Variants in DYM observed in about 807,000 individuals in gnomAD.
The protein encoded by DYM is dyggve-Melchior-Clausen syndrome protein.
DYM carries 78 observed loss-of-function variants against 93.1 expected under a neutral mutation model. That is an observed-to-expected ratio of 0.84 (90% CI 0.70 to 1.01). DYM has a LOEUF of 1.01. Ranked by LOEUF, DYM falls within the 50% of genes least tolerant of loss-of-function variation. The pLI is 0.00. For missense variants in DYM, 789 were observed against 845.0 expected (o/e 0.93, Z 0.82); for synonymous variants, 321 against 319.7 (o/e 1.00, Z -0.04).
intron 9 of DYM, 91 bp downstream of exon 9, chr18:49,286,343 A>C: frequency 7.2e-7 from 1 of 1,387,590 alleles, no homozygotes; most frequent in Non-Finnish European, 1.0e-6. Context: ...TACAATGGAC[A>C]CTCATCTCCA....
chr18:49,295,522 C>T (rs547187683), intron 8 of DYM, among the ~76,000 whole-genome samples: 1 of 152,250 alleles, frequency 6.6e-6, no homozygotes, highest in South Asian at 2.1e-4. Flanking sequence ...TGTTGGGAGC[C>T]AAACCATGTA....
chr18:49,326,409 T>C (rs910348843), intron 8 of DYM, among the ~76,000 whole-genome samples: 5 of 151,864 alleles, frequency 3.3e-5, no homozygotes, highest in Non-Finnish European at 7.4e-5. Flanking sequence ...AATATATTAA[T>C]ATATAATTCA....
chr18:49,199,235 G>A (rs575112623), intron 14 of DYM, among the ~76,000 whole-genome samples: 7 of 152,250 alleles, frequency 4.6e-5, no homozygotes, highest in African/African-American at 1.7e-4. Flanking sequence ...TTGTGGGGTG[G>A]GGGGAGAAAG....
chr18:49,198,558 G>A lies in DYM; in HGVS notation c.1625+10993C>T, dbSNP rs1450348140. Among the ~76,000 whole-genome samples, 3 of 152,274 alleles carry A rather than the reference G, an allele frequency of 2.0e-5. No individual in the cohort carries two copies. In the East Asian group the frequency reaches 5.8e-4, roughly 29 times the overall value. ...AAGAAAAAAACAACCCCATCAAAAA[G>A]TGGGTGAAGAACATGAACAGACACT... On this transcript the variant is annotated intron_variant, in intron 14 of 17. Coordinates refer to ENST00000675505, the MANE Select transcript of DYM (RefSeq NM_001353214.3).
intron 2 of DYM, among the ~76,000 whole-genome samples, chr18:49,408,687 A>G (rs1219646915): frequency 6.6e-6 from 1 of 152,212 alleles, no homozygotes; most frequent in East Asian, 1.9e-4. Context: ...TCCCTCTAAA[A>G]TGGCCTACAG....
intron 8 of DYM, among the ~76,000 whole-genome samples, chr18:49,313,961 GA>G (rs1257262298): frequency 3.3e-5 from 5 of 150,782 alleles, no homozygotes; most frequent in Middle Eastern, 3.4e-3. Context: ...AACATCACAT[GA>G]AAAAAACACA....
intron 15 of DYM, among the ~76,000 whole-genome samples, chr18:49,136,717 CTCT>C (rs1378862878): frequency 6.6e-6 from 1 of 152,102 alleles, no homozygotes; most frequent in Non-Finnish European, 1.5e-5. Flanking sequence ...GAAGGAAATC[CTCT>C]TCTTTTGAGG....
intron 3 of DYM, among the ~76,000 whole-genome samples, chr18:49,385,766 C>G (rs1226013100): frequency 6.6e-6 from 1 of 151,558 alleles, no homozygotes; most frequent in East Asian, 1.9e-4. Flanking sequence ...AAGCTAAACA[C>G]AAAAAGCCTA....
At chr18:49,449,805 G>T (rs2082373450) in intron 1 of DYM, among the ~76,000 whole-genome samples, 1 of 152,156 alleles carries the variant, frequency 6.6e-6, no homozygotes, top group East Asian at 1.9e-4. Context: ...TCTGTCAAAA[G>T]AAAGGGTACC....
intron 14 of DYM, among the ~76,000 whole-genome samples, chr18:49,178,797 T>G (rs2145425466): frequency 6.6e-6 from 1 of 152,232 alleles, no homozygotes; most frequent in South Asian, 2.1e-4. Context: ...ATCAGTAGTT[T>G]TAAGAATGCC....
chr18:49,453,794 G>A (rs2082736792), intron 1 of DYM, among the ~76,000 whole-genome samples: 1 of 152,132 alleles, frequency 6.6e-6, no homozygotes, highest in African/African-American at 2.4e-5. Context: ...TATTGGGTTT[G>A]GTAATATGTC....
intron 2 of DYM, among the ~76,000 whole-genome samples, chr18:49,419,968 G>C (rs376401776): frequency 6.6e-6 from 1 of 152,154 alleles, no homozygotes; most frequent in Admixed American, 6.5e-5. Flanking sequence ...GCAGTACTCA[G>C]TGATAATTCT....
In DYM at chr18:49,346,184, C is replaced by T. The variant is rs141618544; in HGVS notation, c.495-12331G>A. Among the ~76,000 whole-genome samples, 287 of 152,214 alleles carry T rather than the reference C, an allele frequency of 1.9e-3. 4 individuals carry two copies. The highest frequency in any genetic ancestry group is 8.7e-3 in the East Asian group (45 of 5,188). ...ACACAAAATCTTGTACATTGATGCT[C>T]AAAGCAGCATTACTCATAATGGCCA... On this transcript the variant is annotated intron_variant, in intron 6 of 17. Transcript: ENST00000675505.
chr18:49,203,374 C>A (rs1382434306), intron 14 of DYM, among the ~76,000 whole-genome samples: 2 of 130,966 alleles, frequency 1.5e-5, no homozygotes, highest in African/African-American at 3.0e-5. Flanking sequence ...TCATTGAGAA[C>A]GGGCCAGGAT....
chr18:49,440,994 AATATAT>A (rs1241904839), intron 1 of DYM, among the ~76,000 whole-genome samples: 29 of 2,278 alleles, frequency 0.013, no homozygotes, highest in South Asian at 0.021. Flanking sequence ...TATAATATAT[AATATAT>A]TTATATATTA....
At chr18:49,365,827 C>T (rs2066470343) in intron 5 of DYM, among the ~76,000 whole-genome samples, 1 of 152,082 alleles carries the variant, frequency 6.6e-6, no homozygotes, top group Non-Finnish European at 1.5e-5. Context: ...TATAAAAACA[C>T]CTAATTTTTA....
At chr18:49,343,776 C>T (rs1183872098) in intron 6 of DYM, among the ~76,000 whole-genome samples, 2 of 151,838 alleles carry the variant, frequency 1.3e-5, no homozygotes, top group African/African-American at 2.4e-5. Context: ...TCTGAAACTC[C>T]CAGCTTCTAA....
rs2086451229 is a variant in DYM at position 49,156,466 on chromosome 18, T to A, written c.1728+7219A>T. Among the ~76,000 whole-genome samples, 3 of 151,860 alleles carry A rather than the reference T, an allele frequency of 2.0e-5. No homozygotes were observed. The South Asian group carries it at 6.2e-4, about 32-fold the overall frequency. On this transcript the variant is annotated intron_variant, in intron 15 of 17. Transcript: ENST00000675505. ...ACAAAAAATGGCCAGGCGTGGTGGC[T>A]CACGCCTGTAATCCCAGCACTTCAG... is the stretch of plus-strand genomic sequence containing the variant.
chr18:49,280,027 C>T (rs1207661753), intron 10 of DYM, among the ~76,000 whole-genome samples: 1 of 152,212 alleles, frequency 6.6e-6, no homozygotes, highest in Non-Finnish European at 1.5e-5. Flanking sequence ...ACAGAGGGAA[C>T]ATTTCATTGC....
Sources: gnomAD v4.1 joint callset for allele counts (sites outside exome capture counted in the v4.1 genomes callset) on GRCh38, gnomAD v4.1.1 for gene constraint, MANE v1.5 for transcripts, NCBI Gene and HGNC (gene_info 2026-07-23, HGNC 2026-07-21) for gene names.